SETBP1: variants seen among roughly 807,000 people sequenced by gnomAD.
SETBP1 encodes SET binding protein 1, also known as SET-binding protein.
A neutral mutation model predicts 101.0 loss-of-function variants in SETBP1; 9 were observed. The ratio of observed to expected loss-of-function variants is 0.09; its 90% CI spans 0.05 to 0.16. The LOEUF is 0.16. Ranked by LOEUF, SETBP1 falls within the 10% of genes least tolerant of loss-of-function variation. The pLI, the probability that SETBP1 is intolerant of heterozygous loss-of-function variation, is 1.00. For missense variants in SETBP1, 1,858 were observed against 2,033.8 expected (o/e 0.91, Z 1.66); for synonymous variants, 818 against 788.5 (o/e 1.04, Z -0.63).
rs1391371193 is a variant in SETBP1, at chr18:44,950,194, T to C, written c.854T>C (p.Leu285Pro). The C allele has an allele frequency of 1.2e-6, 2 of 1,613,910 alleles. No homozygotes were observed. Among genetic ancestry groups the C allele is most frequent in the South Asian group, 1.1e-5 (1 of 91,088 alleles). ...TTGTCTAACAATAACAAAGATCTGC[T>C]CTTGGGAGGTGTGGCTCCATCCCCA... ...SQLSNNNKDL[L>P]LGGVAPSPSS... is the part of the protein sequence containing the mutation. Residue 285 changes from leucine to proline, a missense_variant, in exon 4 of 6, where the codon CTC (leucine) becomes CCC (proline). Coordinates refer to ENST00000649279, the MANE Select transcript of SETBP1 (RefSeq NM_015559.3).
chr18:44,900,461 C>A (rs924084482), intron 3 of SETBP1, among the ~76,000 whole-genome samples: 2 of 152,168 alleles, frequency 1.3e-5, no homozygotes, highest in Non-Finnish European at 2.9e-5. Context: ...CTTTTCTCTC[C>A]ATTAATCCTC....
intron 3 of SETBP1, among the ~76,000 whole-genome samples, chr18:44,906,818 G>A (rs1446188490): frequency 6.6e-6 from 1 of 152,088 alleles, no homozygotes; most frequent in Admixed American, 6.5e-5. Flanking sequence ...CCTTGATAAT[G>A]CTCTTAAACC....
chr18:44,810,327 C>T (rs1396868272), intron 2 of SETBP1, among the ~76,000 whole-genome samples: 1 of 152,212 alleles, frequency 6.6e-6, no homozygotes, highest in South Asian at 2.1e-4. Flanking sequence ...TTGAACTAGA[C>T]AATGTATAAG....
At chr18:44,897,214 T>A (rs1489236165) in intron 3 of SETBP1, among the ~76,000 whole-genome samples, 1 of 152,174 alleles carries the variant, frequency 6.6e-6, no homozygotes. Context: ...ATTGGTGAGG[T>A]GTGGCCCACA....
chr18:44,989,731 T>C (rs2072315846), intron 4 of SETBP1, among the ~76,000 whole-genome samples: 1 of 150,918 alleles, frequency 6.6e-6, no homozygotes, highest in Non-Finnish European at 1.5e-5. Flanking sequence ...TAGCCGGGCA[T>C]AGTGGCGGGC....
chr18:44,812,393 TG>T (rs1205593711), intron 2 of SETBP1, among the ~76,000 whole-genome samples: 1 of 152,220 alleles, frequency 6.6e-6, no homozygotes, highest in Non-Finnish European at 1.5e-5. Context: ...TGATTTTTAG[TG>T]CTCCTAGATT....
chr18:44,914,139 C>A (rs758813205), intron 3 of SETBP1, among the ~76,000 whole-genome samples: 2 of 152,206 alleles, frequency 1.3e-5, no homozygotes, highest in African/African-American at 4.8e-5. Flanking sequence ...TTCTTTCATA[C>A]TCTTTGTGTG....
Position 44,951,831 on chromosome 18 carries a change from C to T in SETBP1, c.2491C>T (p.Pro831Ser). The T allele has an allele frequency of 6.2e-7, 1 of 1,614,076 alleles. No individual in the cohort carries two copies. ...ACACAGTGGAACCTGGAAGCTGTCT[C>T]CACCCAGACTGATGGCCAACTCCCC... ...GIHSGTWKLS[P>S]PRLMANSPSH... Residue 831 changes from proline to serine, a missense_variant, in exon 4 of 6, where the codon CCA (proline) becomes TCA (serine). Coordinates refer to ENST00000649279, the MANE Select transcript of SETBP1 (RefSeq NM_015559.3). The surrounding 1 kb of genome is among the most constrained non-coding windows in gnomAD (Gnocchi z 7.8).
chr18:45,057,532 G>A lies in SETBP1; in HGVS notation c.4172-5547G>A, dbSNP rs1357163590. 2.0e-5 allele frequency among the ~76,000 whole-genome samples: 3 copies of A among 152,234 alleles called. No homozygotes were observed. The East Asian group carries it at 5.8e-4, about 29-fold the overall frequency. ...CTGGAAGTAGAGAAAAAAAGATGTG[G>A]CCTTTGCCTTCAGAGAATCTTCTAA... On this transcript the variant is annotated intron_variant, in intron 5 of 5. Transcript: ENST00000649279.
chr18:44,713,014 A>C (rs1028195718), intron 2 of SETBP1, among the ~76,000 whole-genome samples: 38 of 132,538 alleles, frequency 2.9e-4, no homozygotes, highest in African/African-American at 1.1e-3. Context: ...ACTGAAGGGC[A>C]GTGGTGTGAT....
chr18:44,883,952 G>A lies in SETBP1; in HGVS notation c.540+14669G>A, dbSNP rs1433584987. ...TTCTCTTTTATGTACAAAAGATTTA[G>A]CACTTCTGCTAAACTAATTGCTCCC... On this transcript the variant is annotated intron_variant, in intron 3 of 5. Coordinates refer to ENST00000649279, the MANE Select transcript of SETBP1 (RefSeq NM_015559.3). Among the ~76,000 whole-genome samples the A allele has an allele frequency of 2.6e-5, 4 of 152,186 alleles. No individual in the cohort carries two copies. The East Asian group carries it at 7.7e-4, about 29-fold the overall frequency.
chr18:44,976,007 A>G (rs2071977525), intron 4 of SETBP1, among the ~76,000 whole-genome samples: 1 of 152,010 alleles, frequency 6.6e-6, no homozygotes, highest in Non-Finnish European at 1.5e-5. Context: ...CAAAATACCT[A>G]CTGCCACCTT....
At chr18:45,051,232 G>A (rs1379800359) in intron 5 of SETBP1, among the ~76,000 whole-genome samples, 1 of 152,142 alleles carries the variant, frequency 6.6e-6, no homozygotes, top group African/African-American at 2.4e-5. Context: ...AGGGAAAGAT[G>A]ATGAATGAGC....
rs575544775 is a variant in SETBP1 at position 44,869,708 on chromosome 18, T to A, written c.540+425T>A. ...TCCTAGTCAAGGCCTGATAGCCAAG[T>A]TAATCTCAGACTCCTGCAGAGGCAG... On this transcript the variant is annotated intron_variant, in intron 3 of 5. Coordinates refer to ENST00000649279, the MANE Select transcript of SETBP1 (RefSeq NM_015559.3). 52 of 296,360 alleles carry A rather than the reference T, an allele frequency of 1.8e-4. 1 individual carries two copies. In the Admixed American group the frequency reaches 2.0e-3, roughly 12 times the overall value. The allele number at this position is 296,360 out of a possible 1,614,324, so 18.4% of individuals were successfully genotyped here. A position where few individuals can be genotyped will look rare whatever the true frequency, so the allele number is the denominator to read the frequency against.
chr18:44,953,467 T>C (rs1193042412), intron 4 of SETBP1, 127 bp downstream of exon 4: 23 of 804,600 alleles, frequency 2.9e-5, no homozygotes, highest in Non-Finnish European at 4.0e-5. Context: ...TTAAAATGGG[T>C]CTCCTTGCAC....
intron 2 of SETBP1, among the ~76,000 whole-genome samples, chr18:44,805,447 C>T (rs1242400685): frequency 3.3e-5 from 5 of 150,484 alleles, no homozygotes; most frequent in South Asian, 2.1e-4. Flanking sequence ...TGTGTTTGTA[C>T]GTGTACTTCT....
intron 4 of SETBP1, chr18:44,986,896 T>TTAGTATAGTATAGTATAGTA (rs1167515033): frequency 1.9e-4 from 27 of 143,710 alleles, no homozygotes; most frequent in Non-Finnish European, 3.8e-4. Context: ...ATAACAATAG[T>TTAGTATAGTATAGTATAGTA]TAGTATAGTA....
At chr18:44,856,309 C>T (rs1416044042) in intron 2 of SETBP1, among the ~76,000 whole-genome samples, 1 of 152,144 alleles carries the variant, frequency 6.6e-6, no homozygotes, top group Non-Finnish European at 1.5e-5. Flanking sequence ...AAAGGGAATT[C>T]CTGCATTGGA....
chr18:44,909,017 T>A (rs1265543463), intron 3 of SETBP1, among the ~76,000 whole-genome samples: 1 of 152,234 alleles, frequency 6.6e-6, no homozygotes, highest in Non-Finnish European at 1.5e-5. Context: ...AACTGTGACC[T>A]TTCCCAGCTT....
Sources: allele counts gnomAD v4.1 joint callset (sites outside exome capture counted in the v4.1 genomes callset), GRCh38; gene constraint gnomAD v4.1.1; non-coding constraint Gnocchi (gnomAD v3.1); transcripts MANE v1.5; gene names NCBI Gene and HGNC (gene_info 2026-07-23, HGNC 2026-07-21).